Variants in TC2N observed in about 807,000 individuals in gnomAD.
The protein encoded by TC2N is tandem C2 domains, nuclear.
Under a neutral mutation model 61.9 loss-of-function variants are expected in TC2N, and 51 were observed. That is an observed-to-expected ratio of 0.82 (90% CI 0.66 to 1.04). TC2N has a LOEUF of 1.04. TC2N is among the 50% of genes least tolerant of loss of function. The pLI is 0.00. For synonymous variants in TC2N, 204 were observed against 192.6 expected (o/e 1.06, Z -0.49); for missense variants, 556 against 566.7 (o/e 0.98, Z 0.19).
intron 9 of TC2N, among the ~76,000 whole-genome samples, chr14:91,790,403 C>T (rs1566761303): frequency 6.6e-6 from 1 of 152,134 alleles, no homozygotes; most frequent in Non-Finnish European, 1.5e-5. Context: ...TAAAACAAAG[C>T]ATACTATTAT....
rs548956441 is a variant in TC2N at position 91,816,604 on chromosome 14, A to G, written c.-56-2779T>C. 2.6e-5 allele frequency among the ~76,000 whole-genome samples: 4 copies of G among 151,980 alleles called. No homozygotes were observed. The South Asian group carries it at 8.3e-4, about 31-fold the overall frequency. On this transcript the variant is annotated intron_variant, in intron 1 of 11. Coordinates refer to ENST00000435962, the MANE Select transcript of TC2N (RefSeq NM_001128596.3). The stretch of plus-strand genomic sequence containing the variant: ...TTGATTATGGTGTTTCTGCTATGCC[A>G]AAGTGTGTGTGTTATACAAATCATA...
At chr14:91,846,998 C>T (rs922939335) in intron 1 of TC2N, among the ~76,000 whole-genome samples, 2 of 152,204 alleles carry the variant, frequency 1.3e-5, no homozygotes, top group Non-Finnish European at 2.9e-5. Context: ...TGGCTCACGC[C>T]TATAATCCCA....
At chr14:91,789,011 A>G (rs1282005563) in intron 9 of TC2N, among the ~76,000 whole-genome samples, 2 of 152,190 alleles carry the variant, frequency 1.3e-5, no homozygotes, top group Non-Finnish European at 2.9e-5. Flanking sequence ...CTTGGCATTT[A>G]AAAAATATAT....
intron 1 of TC2N, among the ~76,000 whole-genome samples, chr14:91,829,001 T>C (rs1254588855): frequency 6.6e-6 from 1 of 151,796 alleles, no homozygotes; most frequent in Non-Finnish European, 1.5e-5. Flanking sequence ...TTGTCTTCTG[T>C]CCCACCATTG....
chr14:91,854,487 G>A (rs1307967936), intron 1 of TC2N, among the ~76,000 whole-genome samples: 1 of 125,416 alleles, frequency 8.0e-6, no homozygotes, highest in East Asian at 2.4e-4. Flanking sequence ...GATAGGGGAG[G>A]TGGAGAGGAG....
intron 8 of TC2N, 91 bp downstream of exon 8, chr14:91,797,694 T>A: frequency 3.5e-6 from 3 of 859,572 alleles, no homozygotes. Context: ...GATAAAAGAC[T>A]TTCTTATTCT....
chr14:91,865,390 T>A (rs540060759), intron 1 of TC2N, among the ~76,000 whole-genome samples: 2,018 of 135,100 alleles, frequency 0.015, 21 homozygotes, highest in Non-Finnish European at 0.019. Context: ...TTTTTTTTTT[T>A]AAAAAAACAT....
rs190606759 is a variant in TC2N, at chr14:91,792,360, C to T, written c.1047+7G>A. On this transcript the variant is annotated splice_region_variant and intron_variant, in intron 9 of 11. Coordinates refer to ENST00000435962, the MANE Select transcript of TC2N (RefSeq NM_001128596.3). ...TGAAATACTCTTAACATACTATTATCGCTTACAGAAATTTTTGAAGGTGGT... is the reference window on the plus strand; with the variant it reads ...TGAAATACTCTTAACATACTATTATTGCTTACAGAAATTTTTGAAGGTGGT... The T allele has an allele frequency of 1.9e-5, 30 of 1,577,300 alleles. No individual in the cohort carries two copies. In the Admixed American group the frequency reaches 2.6e-4, roughly 14 times the overall value.
At chr14:91,854,001 T>A (rs758209018) in intron 1 of TC2N, among the ~76,000 whole-genome samples, 1 of 151,844 alleles carries the variant, frequency 6.6e-6, no homozygotes, top group Non-Finnish European at 1.5e-5. Context: ...AAATACAGAG[T>A]TTTAAAAACT....
intron 1 of TC2N, among the ~76,000 whole-genome samples, chr14:91,838,725 G>T (rs1888112869): frequency 1.3e-5 from 2 of 152,214 alleles, no homozygotes; most frequent in African/African-American, 2.4e-5. Flanking sequence ...TCCCCTAATT[G>T]TTCCTAGTTT....
At chr14:91,795,699 G>A (rs1291087564) in intron 8 of TC2N, among the ~76,000 whole-genome samples, 2 of 152,088 alleles carry the variant, frequency 1.3e-5, no homozygotes, top group African/African-American at 4.8e-5. Context: ...AAAAACTCAT[G>A]TGACCTGCTT....
chr14:91,860,331 CAA>C (rs34305755), intron 1 of TC2N, among the ~76,000 whole-genome samples: 220 of 125,432 alleles, frequency 1.8e-3, no homozygotes, highest in South Asian at 3.5e-3. Context: ...CATTTCCTTG[CAA>C]AAAAAAAAAA....
At chr14:91,851,664 C>T (rs186841145) in intron 1 of TC2N, among the ~76,000 whole-genome samples, 1 of 152,340 alleles carries the variant, frequency 6.6e-6, no homozygotes, top group Non-Finnish European at 1.5e-5. Flanking sequence ...CTATTTATAA[C>T]TTCTTTTTCT....
chr14:91,858,663 T>A (rs1458896097), intron 1 of TC2N, among the ~76,000 whole-genome samples: 2 of 152,218 alleles, frequency 1.3e-5, no homozygotes, highest in Non-Finnish European at 2.9e-5. Flanking sequence ...AGTTTTCATA[T>A]TATGCTATGA....
At position 91,800,343 on chromosome 14, in the gene TC2N, C is replaced by T. The variant is rs371282197; in HGVS notation, c.499G>A (p.Gly167Ser). Residue 167 changes from glycine (G) to serine (S), a missense_variant, in exon 5 of 12, where the codon GGT becomes AGT. Physicochemically the swap from Gly to Ser is moderately conservative, Grantham distance 56. Transcript: ENST00000435962. ...ATAGATTTGCTTAGCCCAGGGGAAC[C>T]GGGAAGTTTGTTCGTCCTTAAATCA... ...VCDLRTNKLPGSPGLSKSMFD... is the reference protein window; with the variant it reads ...VCDLRTNKLPSSPGLSKSMFD... The T allele has an allele frequency of 3.2e-5, 51 of 1,602,230 alleles. No homozygotes were observed. Among genetic ancestry groups the T allele is most frequent in the South Asian group, 2.1e-4 (19 of 89,344 alleles).
chr14:91,851,815 G>A (rs1462641744), intron 1 of TC2N, among the ~76,000 whole-genome samples: 2 of 152,216 alleles, frequency 1.3e-5, no homozygotes, highest in Admixed American at 6.5e-5. Context: ...TCATCATGAA[G>A]TAAAACTCTA....
chr14:91,834,801 C>CTCCT (rs1703286613), intron 1 of TC2N, among the ~76,000 whole-genome samples: 1 of 152,202 alleles, frequency 6.6e-6, no homozygotes, highest in African/African-American at 2.4e-5. Flanking sequence ...CTTCCTCAGA[C>CTCCT]TCCTTGGCTG....
At position 91,802,368 on chromosome 14, in the gene TC2N, G is replaced by A. The variant is rs766880081; in HGVS notation, c.355C>T (p.Gln119Ter). The stretch of plus-strand genomic sequence containing the variant: ...TACACATCATAGCTAGGTCCGTGCT[G>A]GGATGAACTGGAAAGTTCTACCTTT... Reference protein sequence around the residue: ...DRKVELSSSSQHGPSYDVYNP... With the variant: ...DRKVELSSSS The change falls in exon 4 of 12, where the codon CAG (glutamine) becomes TAG (stop). Residue 119 changes from glutamine to a stop codon, truncating the protein, a stop_gained. Coordinates refer to ENST00000435962, the MANE Select transcript of TC2N (RefSeq NM_001128596.3). LOFTEE classifies it high-confidence loss of function. The A allele has an allele frequency of 1.2e-6, 2 of 1,612,616 alleles. No homozygotes were observed. The highest frequency in any genetic ancestry group is 4.5e-5 in the East Asian group (2 of 44,822).
chr14:91,788,197 A>AAGGCAGTAAGTG (rs1885459982), intron 9 of TC2N, among the ~76,000 whole-genome samples: 1 of 152,154 alleles, frequency 6.6e-6, no homozygotes, highest in Admixed American at 6.5e-5. Flanking sequence ...GGCAGTAAAT[A>AAGGCAGTAAGTG]ATAAGGAAAA....
Sources: allele counts gnomAD v4.1 joint callset (sites outside exome capture counted in the v4.1 genomes callset), GRCh38; gene constraint gnomAD v4.1.1; transcripts MANE v1.5; gene names NCBI Gene and HGNC (gene_info 2026-07-23, HGNC 2026-07-21).